The following CHRNA7 variants were observed in gnomAD, a reference collection of about 807,000 sequenced individuals.
CHRNA7 encodes the protein cholinergic receptor nicotinic alpha 7 subunit.
CHRNA7 carries 17 observed loss-of-function variants against 48.0 expected under a neutral mutation model. That is an observed-to-expected ratio of 0.35 (90% CI 0.24 to 0.53). The LOEUF is 0.53. Ranked by LOEUF, CHRNA7 falls within the 20% of genes least tolerant of loss-of-function variation. The pLI is 0.92. For synonymous variants in CHRNA7, 75 were observed against 242.3 expected (o/e 0.31, Z 6.41); for missense variants, 155 against 577.7 (o/e 0.27, Z 7.50).
chr15:32,154,869 A>C (rs1406677213), intron 5 of CHRNA7, among the ~76,000 whole-genome samples: 1 of 672 alleles, frequency 1.5e-3, no homozygotes, highest in Non-Finnish European at 3.1e-3. Flanking sequence ...CACACACACC[A>C]CTCACACACA....
intron 3 of CHRNA7, among the ~76,000 whole-genome samples, chr15:32,110,593 A>G (rs912986314): frequency 6.6e-6 from 1 of 152,164 alleles, no homozygotes; most frequent in Non-Finnish European, 1.5e-5. Context: ...GGTCTGGGAC[A>G]TGCCCTTTGC....
Position 32,030,584 on chromosome 15 carries a change from C to G in CHRNA7, c.-11C>G. 1 of 1,525,902 alleles carries G rather than the reference C, an allele frequency of 6.6e-7. No individual in the cohort carries two copies. The highest frequency in any genetic ancestry group is 8.7e-7 in the Non-Finnish European group (1 of 1,144,254). 94.5% of individuals were successfully genotyped at this position (1,525,902 alleles called of 1,614,324 possible). The stretch of plus-strand genomic sequence containing the variant: ...GGAGCGCGCCGGCTCGCTGCAGCTC[C>G]GGGACTCAACATGCGCTGCTCGCCG... On this transcript the variant is annotated 5_prime_UTR_variant, in exon 1 of 10. Coordinates refer to ENST00000306901, the MANE Select transcript of CHRNA7 (RefSeq NM_000746.6).
intron 9 of CHRNA7, chr15:32,166,431 G>A (rs2052150297): frequency 6.6e-6 from 1 of 152,244 alleles, no homozygotes; most frequent in African/African-American, 2.4e-5. Flanking sequence ...AAGTACAATG[G>A]GAAACAAAGG....
chr15:32,054,481 A>C (rs1346504330), intron 2 of CHRNA7, among the ~76,000 whole-genome samples: 1 of 152,324 alleles, frequency 6.6e-6, no homozygotes, highest in Non-Finnish European at 1.5e-5. Flanking sequence ...TAGAGTAGAT[A>C]TACACTAATG....
chr15:32,033,770 C>T (rs1229144682), intron 2 of CHRNA7, among the ~76,000 whole-genome samples: 2 of 152,208 alleles, frequency 1.3e-5, no homozygotes, highest in African/African-American at 2.4e-5. Context: ...ATTCTCTTTA[C>T]ACATTTGTTG....
chr15:32,150,673 T>A (rs1314323474), intron 4 of CHRNA7, among the ~76,000 whole-genome samples: 2 of 152,202 alleles, frequency 1.3e-5, no homozygotes, highest in African/African-American at 4.8e-5. Context: ...ATTACCATTT[T>A]CAAATTCAAA....
intron 2 of CHRNA7, among the ~76,000 whole-genome samples, chr15:32,047,457 A>C (rs905505351): frequency 5.9e-5 from 9 of 152,018 alleles, no homozygotes; most frequent in African/African-American, 2.2e-4. Flanking sequence ...TTCACTCATG[A>C]TTTGGCTCTC....
chr15:32,122,555 G>A (rs67107029), intron 4 of CHRNA7, among the ~76,000 whole-genome samples: 11,794 of 151,982 alleles, frequency 0.078, 616 homozygotes, highest in Non-Finnish European at 0.12. Flanking sequence ...TGGCTTTGGG[G>A]TCCCAGACCA....
intron 4 of CHRNA7, among the ~76,000 whole-genome samples, chr15:32,126,547 C>G (rs1383076396): frequency 6.6e-6 from 1 of 152,128 alleles, no homozygotes; most frequent in Non-Finnish European, 1.5e-5. Flanking sequence ...TTCCTCGCTC[C>G]CTAAACTGCT....
intron 2 of CHRNA7, among the ~76,000 whole-genome samples, chr15:32,052,238 C>T (rs1296847545): frequency 6.6e-6 from 1 of 150,868 alleles, no homozygotes; most frequent in Admixed American, 6.6e-5. Context: ...TAATTGTTCT[C>T]ACTGGAGAGT....
At chr15:32,089,063 G>A (rs1294538894) in intron 2 of CHRNA7, among the ~76,000 whole-genome samples, 2 of 152,028 alleles carry the variant, frequency 1.3e-5, no homozygotes, top group Non-Finnish European at 2.9e-5. Context: ...TTTACATCTA[G>A]GCTTATGATC....
At chr15:32,097,833 T>C (rs998461442) in intron 2 of CHRNA7, among the ~76,000 whole-genome samples, 3 of 152,184 alleles carry the variant, frequency 2.0e-5, no homozygotes, top group Non-Finnish European at 4.4e-5. Flanking sequence ...GAGTGACTGC[T>C]GTAGGCAGCT....
chr15:32,091,835 G>C (rs2050388065), intron 2 of CHRNA7, among the ~76,000 whole-genome samples: 1 of 151,746 alleles, frequency 6.6e-6, no homozygotes, highest in African/African-American at 2.4e-5. Context: ...TGTTGTTGTT[G>C]TTGTTTTGAA....
intron 2 of CHRNA7, among the ~76,000 whole-genome samples, chr15:32,036,391 A>C (rs1902087201): frequency 6.6e-6 from 1 of 152,216 alleles, no homozygotes; most frequent in South Asian, 2.1e-4. Context: ...AGCTGCTGTA[A>C]GCATCTTGTG....
intron 2 of CHRNA7, among the ~76,000 whole-genome samples, chr15:32,094,818 G>C (rs1234485558): frequency 6.6e-6 from 1 of 152,092 alleles, no homozygotes; most frequent in East Asian, 1.9e-4. Flanking sequence ...CTGCCACCGC[G>C]CCTGGCTAAT....
At chr15:32,125,369 G>C (rs1211987499) in intron 4 of CHRNA7, among the ~76,000 whole-genome samples, 1 of 152,212 alleles carries the variant, frequency 6.6e-6, no homozygotes, top group Non-Finnish European at 1.5e-5. Context: ...AAGAGTAAAA[G>C]AGTCAGGAAG....
At chr15:32,074,723 C>T (rs1487481333) in intron 2 of CHRNA7, among the ~76,000 whole-genome samples, 3 of 151,630 alleles carry the variant, frequency 2.0e-5, no homozygotes, top group African/African-American at 2.4e-5. Flanking sequence ...GGCATGATCT[C>T]GGCTCACTGC....
chr15:32,061,845 A>G (rs1010441049), intron 2 of CHRNA7, among the ~76,000 whole-genome samples: 1 of 152,112 alleles, frequency 6.6e-6, no homozygotes, highest in Non-Finnish European at 1.5e-5. Context: ...CAAAAAAACA[A>G]CAAAACAAAA....
intron 2 of CHRNA7, among the ~76,000 whole-genome samples, chr15:32,061,388 G>C (rs1195754720): frequency 2.0e-5 from 3 of 152,156 alleles, no homozygotes; most frequent in Non-Finnish European, 2.9e-5. Flanking sequence ...GAGACTTCCA[G>C]ATCCCTTCCC....
Sources: gnomAD v4.1 joint callset for allele counts (sites outside exome capture counted in the v4.1 genomes callset) on GRCh38, gnomAD v4.1.1 for gene constraint, MANE v1.5 for transcripts, NCBI Gene and HGNC (gene_info 2026-07-23, HGNC 2026-07-21) for gene names.